The following TENM2 variants were observed in gnomAD, a reference collection of about 807,000 sequenced individuals.
The protein encoded by TENM2 is teneurin transmembrane protein 2, also known as teneurin-2.
In TENM2, 52 loss-of-function variants were observed where a neutral mutation model predicts 245.2. The observed-to-expected ratio is 0.21, with a 90% confidence interval of 0.17 to 0.27. TENM2 has a LOEUF of 0.27. Ranked by LOEUF, TENM2 falls within the 10% of genes least tolerant of loss-of-function variation. The probability of loss-of-function intolerance (pLI) is 1.00; values close to 1 mark genes in which losing one functional copy is unlikely to be tolerated. For synonymous variants in TENM2, 1,363 were observed against 1,438.9 expected (o/e 0.95, Z 1.19); for missense variants, 3,046 against 3,666.8 (o/e 0.83, Z 4.37).
At chr5:166,979,232 A>AGCAGCAGCAGCAGCC in the TENM2 span, among the ~76,000 whole-genome samples, 12 of 141,112 alleles carry the variant, frequency 8.5e-5, no homozygotes, top group Admixed American at 8.0e-4. Context: ...CAGCAGCAGC[A>AGCAGCAGCAGCAGCC]GCAGCCGCCG....
intron 27 of TENM2, among the ~76,000 whole-genome samples, chr5:168,257,292 A>G (rs1767754253): frequency 6.6e-6 from 1 of 151,980 alleles, no homozygotes; most frequent in Non-Finnish European, 1.5e-5. Flanking sequence ...GGGGGGTGGC[A>G]GTTGGGGTTG....
At chr5:167,388,775 C>G (rs978492153) in intron 2 of TENM2, among the ~76,000 whole-genome samples, 2 of 152,102 alleles carry the variant, frequency 1.3e-5, no homozygotes, top group African/African-American at 4.8e-5. Flanking sequence ...CATTCAGGAA[C>G]AGGTTATGTA....
intron 2 of TENM2, among the ~76,000 whole-genome samples, chr5:167,672,750 C>G (rs1379711488): frequency 1.3e-5 from 2 of 152,008 alleles, no homozygotes; most frequent in African/African-American, 4.8e-5. Context: ...ACGCAGGCAC[C>G]TATTTCTCTC....
chr5:168,163,641 A>C (rs1562235413), intron 13 of TENM2, among the ~76,000 whole-genome samples: 2 of 152,310 alleles, frequency 1.3e-5, no homozygotes, highest in Admixed American at 1.3e-4. Context: ...AGGTCCAATA[A>C]CAAGATGCAG....
the TENM2 span, among the ~76,000 whole-genome samples, chr5:167,071,878 G>GCCCCCCCCCCCCC: frequency 1.6e-5 from 2 of 124,026 alleles, no homozygotes; most frequent in Non-Finnish European, 3.4e-5. Context: ...TTGACAAATC[G>GCCCCCCCCCCCCC]CCCCCCCCCG....
intron 2 of TENM2, among the ~76,000 whole-genome samples, chr5:167,610,459 A>G (rs1777401231): frequency 6.6e-6 from 1 of 152,118 alleles, no homozygotes; most frequent in Non-Finnish European, 1.5e-5. Flanking sequence ...AACAGTCCCC[A>G]TCCTGAAACA....
chr5:167,154,857 A>G, the TENM2 span, among the ~76,000 whole-genome samples: 1 of 152,342 alleles, frequency 6.6e-6, no homozygotes, highest in South Asian at 2.1e-4. Context: ...AGTAATTAGC[A>G]GAGTGTTGGG....
At chr5:167,259,600 C>A in the TENM2 span, among the ~76,000 whole-genome samples, 1 of 152,112 alleles carries the variant, frequency 6.6e-6, no homozygotes. Flanking sequence ...ATGTTGAAAT[C>A]TTTGCAGCAT....
chr5:167,142,528 A>T, the TENM2 span, among the ~76,000 whole-genome samples: 1 of 151,930 alleles, frequency 6.6e-6, no homozygotes, highest in Admixed American at 6.6e-5. Context: ...AGTATCATTC[A>T]ATCTCTCTCT....
chr5:167,155,756 A>G, the TENM2 span, among the ~76,000 whole-genome samples: 1 of 152,232 alleles, frequency 6.6e-6, no homozygotes, highest in Non-Finnish European at 1.5e-5. Context: ...ACTGCCATTC[A>G]TTTGCATTTC....
intron 2 of TENM2, among the ~76,000 whole-genome samples, chr5:167,543,161 G>C (rs531159720): frequency 6.6e-6 from 1 of 152,118 alleles, no homozygotes; most frequent in Non-Finnish European, 1.5e-5. Context: ...AAGCACTTCC[G>C]TTTAGAGAGC....
chr5:167,106,238 T>C, the TENM2 span, among the ~76,000 whole-genome samples: 1 of 152,188 alleles, frequency 6.6e-6, no homozygotes, highest in Admixed American at 6.5e-5. Flanking sequence ...AGGAATCATT[T>C]AGTTCCATTT....
chr5:168,119,900 C>G (rs1226153039), intron 10 of TENM2, among the ~76,000 whole-genome samples: 2 of 152,168 alleles, frequency 1.3e-5, no homozygotes, highest in African/African-American at 4.8e-5. Flanking sequence ...ATTCTGTGTT[C>G]CTCATGGCCA....
At chr5:168,094,590 C>T (rs1793206444) in intron 8 of TENM2, among the ~76,000 whole-genome samples, 1 of 151,934 alleles carries the variant, frequency 6.6e-6, no homozygotes, top group Admixed American at 6.6e-5. Flanking sequence ...AACCCTAGGG[C>T]CGCAGATCAG....
chr5:167,075,772 T>A, the TENM2 span, among the ~76,000 whole-genome samples: 2 of 152,200 alleles, frequency 1.3e-5, no homozygotes, highest in South Asian at 4.1e-4. Flanking sequence ...TACGAACTTT[T>A]AGAAGAACTT....
chr5:167,604,806 G>C (rs1258718949), intron 2 of TENM2, among the ~76,000 whole-genome samples: 1 of 152,116 alleles, frequency 6.6e-6, no homozygotes, highest in Admixed American at 6.6e-5. Context: ...TAGTAGGAGG[G>C]AAAAATGCAG....
chr5:167,987,905 A>T (rs2151991996), intron 4 of TENM2, among the ~76,000 whole-genome samples: 1 of 152,276 alleles, frequency 6.6e-6, no homozygotes, highest in African/African-American at 2.4e-5. Context: ...GAGAAATAGG[A>T]TTCTACTTAT....
At chr5:167,365,451 AACAAT>A (rs1314673220) in intron 1 of TENM2, among the ~76,000 whole-genome samples, 1 of 151,926 alleles carries the variant, frequency 6.6e-6, no homozygotes, top group Non-Finnish European at 1.5e-5. Context: ...ATGGAAAATA[AACAAT>A]ACAATAAATT....
At position 167,691,226 on chromosome 5, in the gene TENM2, C is replaced by T. The variant is rs1757413863; in HGVS notation, c.503-184760C>T. ...ACACTTGTGATTTTCCTCCCTGCCC[C>T]ACCCCAACCTTCATTTACCTTTGGC... is the stretch of plus-strand genomic sequence containing the variant. On this transcript the variant is annotated intron_variant, in intron 2 of 28. Transcript: ENST00000518659. Among the ~76,000 whole-genome samples, 3 of 152,098 alleles carry T rather than the reference C, an allele frequency of 2.0e-5. No individual in the cohort carries two copies. The South Asian group carries it at 6.2e-4, about 32-fold the overall frequency.
Sources: gnomAD v4.1 joint callset for allele counts (sites outside exome capture counted in the v4.1 genomes callset) on GRCh38, gnomAD v4.1.1 for gene constraint, MANE v1.5 for transcripts, NCBI Gene and HGNC (gene_info 2026-07-23, HGNC 2026-07-21) for gene names.